ERC1: variants seen among roughly 807,000 people sequenced by gnomAD.
ERC1 encodes ELKS/RAB6-interacting/CAST family member 1.
A neutral mutation model predicts 132.0 loss-of-function variants in ERC1; 56 were observed. That is an observed-to-expected ratio of 0.42 (90% CI 0.34 to 0.53). The LOEUF (loss-of-function observed/expected upper bound fraction) is 0.53. Among genes scored for constraint, ERC1 ranks in the 20% least tolerant of loss-of-function variants. The probability of loss-of-function intolerance (pLI) is 0.03; values close to 1 mark genes in which losing one functional copy is unlikely to be tolerated. For synonymous variants in ERC1, 478 were observed against 476.1 expected, an observed-to-expected ratio of 1.00 and a Z score of -0.05; for missense variants, 1,202 against 1,349.9, an observed-to-expected ratio of 0.89 and a Z score of 1.72.
At position 1,412,665 on chromosome 12, in the gene ERC1, C is replaced by T. The variant is rs773254525; in HGVS notation, c.3024+4418C>T. ...ACAGCTTTGAATCTAGACCTCTCCA[C>T]CTGCCCTGTGACCTTGGGAAAGTCA... On this transcript the variant is annotated intron_variant, in intron 17 of 18. Coordinates refer to ENST00000360905, the MANE Select transcript of ERC1 (RefSeq NM_178040.4). Among the ~76,000 whole-genome samples, 69 of 152,288 alleles carry T rather than the reference C, an allele frequency of 4.5e-4. No homozygotes were observed. The Middle Eastern group carries it at 0.014, about 30-fold the overall frequency.
intron 17 of ERC1, among the ~76,000 whole-genome samples, chr12:1,440,290 C>T (rs190294932): frequency 0.012 from 1,807 of 146,464 alleles, 51 homozygotes; most frequent in African/African-American, 0.044. Context: ...CTGCAAGCTC[C>T]GCCTCCTGGG....
At chr12:1,429,819 G>A (rs544976924) in intron 17 of ERC1, among the ~76,000 whole-genome samples, 5 of 152,210 alleles carry the variant, frequency 3.3e-5, no homozygotes, top group Non-Finnish European at 7.3e-5. Context: ...AGAAGCATAA[G>A]CAGCATAACA....
At chr12:1,485,492 T>C (rs531341108) in intron 18 of ERC1, among the ~76,000 whole-genome samples, 105 of 152,160 alleles carry the variant, frequency 6.9e-4, no homozygotes, top group African/African-American at 1.8e-3. Context: ...CGTGAGCCAC[T>C]GCATCTGGCC....
chr12:1,163,984 G>C (rs1952118381), intron 8 of ERC1, among the ~76,000 whole-genome samples: 1 of 152,304 alleles, frequency 6.6e-6, no homozygotes, highest in African/African-American at 2.4e-5. Context: ...CTGAAGTGCT[G>C]GATTACGGGC....
chr12:1,148,750 T>C (rs904691905), intron 8 of ERC1, among the ~76,000 whole-genome samples: 1 of 152,186 alleles, frequency 6.6e-6, no homozygotes, highest in Middle Eastern at 3.4e-3. Flanking sequence ...TACAGGCACC[T>C]GCCACCTCGC....
At chr12:1,117,133 G>A (rs1946541507) in intron 7 of ERC1, among the ~76,000 whole-genome samples, 1 of 152,154 alleles carries the variant, frequency 6.6e-6, no homozygotes, top group African/African-American at 2.4e-5. Flanking sequence ...GAATAGATAA[G>A]TAGTTTTGCT....
chr12:994,989 G>T (rs971536168), intron 1 of ERC1, among the ~76,000 whole-genome samples: 2 of 151,954 alleles, frequency 1.3e-5, no homozygotes, highest in Non-Finnish European at 2.9e-5. Context: ...CTGGCTACTC[G>T]CAAGGCTAAG....
chr12:995,917 C>G (rs561803256), intron 1 of ERC1, among the ~76,000 whole-genome samples: 1 of 152,150 alleles, frequency 6.6e-6, no homozygotes, highest in Non-Finnish European at 1.5e-5. Context: ...AGGAAGCTTT[C>G]AAGAAGGAGG....
In ERC1 at chr12:1,006,062, A is replaced by G. The variant is rs534604364; in HGVS notation, c.-157+14740A>G. On this transcript the variant is annotated intron_variant, in intron 1 of 18. Transcript: ENST00000360905. Reference sequence around the variant, plus strand: ...AACCTCTGCTTCCCGGGTTCAAGCAATTCTCTGCCTCAGCCTCCCAAGTAG... The same window carrying G: ...AACCTCTGCTTCCCGGGTTCAAGCAGTTCTCTGCCTCAGCCTCCCAAGTAG... Among the ~76,000 whole-genome samples the G allele has an allele frequency of 8.5e-4, 129 of 151,870 alleles. 1 individual carries two copies. The highest frequency in any genetic ancestry group is 5.6e-4 in the African/African-American group (23 of 41,416).
At chr12:1,248,582 G>A (rs1480060433) in intron 13 of ERC1, among the ~76,000 whole-genome samples, 4 of 152,208 alleles carry the variant, frequency 2.6e-5, no homozygotes, top group Non-Finnish European at 5.9e-5. Context: ...CAGGTCAAAA[G>A]GGACCTTATA....
rs546230421 is a variant in ERC1, at chr12:1,299,885, A to G, written c.2780+9873A>G. On this transcript the variant is annotated intron_variant, in intron 15 of 18. Transcript: ENST00000360905. Reference sequence around the variant, plus strand: ...CTTATACCAATAAATTTAATAGACAAAGTCTTTGAAAAATACAATTTATTA... The same window carrying G: ...CTTATACCAATAAATTTAATAGACAGAGTCTTTGAAAAATACAATTTATTA... Among the ~76,000 whole-genome samples, 17 of 152,320 alleles carry G rather than the reference A, an allele frequency of 1.1e-4. No individual in the cohort carries two copies. The South Asian group carries it at 3.3e-3, about 30-fold the overall frequency.
intron 15 of ERC1, among the ~76,000 whole-genome samples, chr12:1,365,441 A>G (rs1005200842): frequency 6.6e-6 from 1 of 152,218 alleles, no homozygotes; most frequent in African/African-American, 2.4e-5. Context: ...TCAGAGGTGC[A>G]GTTGGTTCAA....
chr12:1,078,088 A>G (rs1941620983), intron 2 of ERC1, among the ~76,000 whole-genome samples: 1 of 152,214 alleles, frequency 6.6e-6, no homozygotes, highest in Non-Finnish European at 1.5e-5. Flanking sequence ...TGCTACATTT[A>G]GCCATATGTG....
rs184417402 is a variant in ERC1, at chr12:1,373,585, T to G, written c.2925+1608T>G. 6.8e-4 allele frequency among the ~76,000 whole-genome samples: 103 copies of G among 152,250 alleles called. 1 individual carries two copies. Among genetic ancestry groups the G allele is most frequent in the Non-Finnish European group, 1.9e-4 (13 of 67,992 alleles). ...TCATGAGGTCAGGAAATCGAGACCA[T>G]CCTGGCCAACATGGTGAAACCCCGT... On this transcript the variant is annotated intron_variant, in intron 16 of 18. Transcript: ENST00000360905.
chr12:1,267,824 C>A (rs946070307), intron 14 of ERC1, among the ~76,000 whole-genome samples: 3 of 152,076 alleles, frequency 2.0e-5, no homozygotes, highest in African/African-American at 7.2e-5. Context: ...TTAAAAGCCC[C>A]ATTTTTAACA....
intron 12 of ERC1, among the ~76,000 whole-genome samples, chr12:1,234,822 C>T (rs1211390785): frequency 6.6e-6 from 1 of 152,030 alleles, no homozygotes; most frequent in Non-Finnish European, 1.5e-5. Flanking sequence ...GTAAATATTC[C>T]TGGGAAAATT....
intron 15 of ERC1, among the ~76,000 whole-genome samples, 197 bp downstream of exon 15, chr12:1,290,209 CTTTAATGATTTTTAAA>C (rs1397605875): frequency 6.6e-6 from 1 of 152,110 alleles, no homozygotes; most frequent in African/African-American, 2.4e-5. Flanking sequence ...TTTGGTTCCT[CTTTAATGATTTTTAAA>C]TCCTCTGGCT....
chr12:1,094,126 C>G (rs934685682), intron 3 of ERC1, among the ~76,000 whole-genome samples: 2 of 148,554 alleles, frequency 1.3e-5, no homozygotes, highest in African/African-American at 4.9e-5. Context: ...TCAAGCAATT[C>G]TTCTGCCTCG....
intron 15 of ERC1, among the ~76,000 whole-genome samples, chr12:1,323,468 T>A (rs1295404444): frequency 1.3e-5 from 2 of 152,162 alleles, no homozygotes; most frequent in South Asian, 4.1e-4. Context: ...AATAAAGAAA[T>A]GGTCACTGTC....
Sources: gnomAD v4.1 joint callset for allele counts (sites outside exome capture counted in the v4.1 genomes callset) on GRCh38, gnomAD v4.1.1 for gene constraint, MANE v1.5 for transcripts, NCBI Gene and HGNC (gene_info 2026-07-23, HGNC 2026-07-21) for gene names.